MYT1L: variants seen among roughly 807,000 people sequenced by gnomAD.
MYT1L encodes myelin transcription factor 1 like, also known as myelin transcription factor 1-like protein.
Under a neutral mutation model 126.7 loss-of-function variants are expected in MYT1L, and 12 were observed. The ratio of observed to expected loss-of-function variants is 0.09; its 90% CI spans 0.06 to 0.15. The LOEUF is 0.15. Among genes scored for constraint, MYT1L ranks in the 10% least tolerant of loss-of-function variants. MYT1L has a pLI of 1.00. For synonymous variants in MYT1L, 541 were observed against 604.2 expected, an observed-to-expected ratio of 0.90 and a Z score of 1.53; for missense variants, 979 against 1,585.2, an observed-to-expected ratio of 0.62 and a Z score of 6.49.
intron 9 of MYT1L, among the ~76,000 whole-genome samples, chr2:1,937,884 T>C (rs1287021747): frequency 6.6e-6 from 1 of 152,188 alleles, no homozygotes; most frequent in Non-Finnish European, 1.5e-5. Flanking sequence ...CACCTTTGGG[T>C]CACTGATCTG....
intron 2 of MYT1L, among the ~76,000 whole-genome samples, chr2:2,270,772 A>T (rs999582933): frequency 6.6e-6 from 1 of 152,096 alleles, no homozygotes; most frequent in Non-Finnish European, 1.5e-5. Context: ...CTCCTGCCCC[A>T]GCTCAGTCAG....
chr2:2,207,713 T>G (rs1203469001), intron 2 of MYT1L, among the ~76,000 whole-genome samples: 3 of 152,216 alleles, frequency 2.0e-5, no homozygotes, highest in Admixed American at 2.0e-4. Flanking sequence ...TGATGCAGGC[T>G]GTGGGCTCTC....
Position 1,887,167 on chromosome 2 carries a change from TA to T in MYT1L, c.2642+320del, listed in dbSNP as rs11411775. ...AAACAGCCAAAATAGTAAGTATGTT[TA>T]AAAAAAAAAAAAACTTTTAAAAAAG... On this transcript the variant is annotated intron_variant, in intron 17 of 24. Transcript: ENST00000647738. The surrounding 1 kb of genome is among the most constrained non-coding windows in gnomAD (Gnocchi z 4.8). 0.02 allele frequency: 7,011 copies of T among 357,548 alleles called. 2 individuals are homozygous for T. The highest frequency in any genetic ancestry group is 0.038 in the South Asian group (335 of 8,910). The allele number at this position is 357,548 out of a possible 1,614,324, so 22.1% of individuals were successfully genotyped here.
chr2:1,986,286 C>T (rs2061012619), intron 5 of MYT1L, among the ~76,000 whole-genome samples: 1 of 152,210 alleles, frequency 6.6e-6, no homozygotes, highest in South Asian at 2.1e-4. Context: ...GCCTCTATTT[C>T]CACATGCATG....
In MYT1L at chr2:2,072,074, G is replaced by A. The variant is rs1016515784; in HGVS notation, c.-303-17951C>T. The stretch of plus-strand genomic sequence containing the variant: ...TGACATCATCCTCAAAAAAGACTCC[G>A]TGTCAAGCTTCCCTTGAAAGAGGAG... On this transcript the variant is annotated intron_variant, in intron 3 of 24. Coordinates refer to ENST00000647738, the MANE Select transcript of MYT1L (RefSeq NM_001303052.2). Among the ~76,000 whole-genome samples the A allele has an allele frequency of 7.2e-5, 11 of 152,248 alleles. No individual in the cohort carries two copies. The East Asian group carries it at 1.4e-3, about 19-fold the overall frequency.
intron 18 of MYT1L, among the ~76,000 whole-genome samples, chr2:1,866,551 GAGAGGGAGAGGGAA>G: frequency 7.1e-6 from 1 of 141,172 alleles, no homozygotes; most frequent in Non-Finnish European, 1.5e-5. Context: ...GAGGCAAGGA[GAGAGGGAGAGGGAA>G]GGGGAGAGAG....
At chr2:2,087,357 CTTTG>C (rs1007052878) in intron 3 of MYT1L, among the ~76,000 whole-genome samples, 3 of 152,016 alleles carry the variant, frequency 2.0e-5, no homozygotes, top group Non-Finnish European at 4.4e-5. Flanking sequence ...TTCCCTTTTT[CTTTG>C]TTTGGGAAAT....
At chr2:1,983,028 G>C (rs2060723985) in intron 5 of MYT1L, among the ~76,000 whole-genome samples, 3 of 152,078 alleles carry the variant, frequency 2.0e-5, no homozygotes. Flanking sequence ...TATGCATATA[G>C]GGGCAAACTT....
intron 3 of MYT1L, among the ~76,000 whole-genome samples, chr2:2,071,914 A>G (rs542890724): frequency 1.8e-4 from 28 of 152,292 alleles, no homozygotes; most frequent in Admixed American, 2.0e-4. Flanking sequence ...GCTGTGGGCG[A>G]GGAGGGAGAG....
intron 2 of MYT1L, among the ~76,000 whole-genome samples, chr2:2,230,649 A>G (rs1219222941): frequency 6.6e-6 from 1 of 152,132 alleles, no homozygotes; most frequent in Non-Finnish European, 1.5e-5. Flanking sequence ...ATCCACTTCT[A>G]GCAGCAGCAT....
chr2:2,054,279 T>G (rs1485888838), intron 3 of MYT1L, among the ~76,000 whole-genome samples, 156 bp from the exon 4 acceptor site: 1 of 151,748 alleles, frequency 6.6e-6, no homozygotes, highest in Non-Finnish European at 1.5e-5. Flanking sequence ...TGATGAGACA[T>G]ACAGAGATGA....
At chr2:2,135,975 A>G (rs1238434467) in intron 3 of MYT1L, among the ~76,000 whole-genome samples, 3 of 152,190 alleles carry the variant, frequency 2.0e-5, no homozygotes, top group African/African-American at 7.2e-5. Flanking sequence ...AAACCAACCC[A>G]AATGTTCATC....
At chr2:2,264,694 G>T (rs1384832627) in intron 2 of MYT1L, among the ~76,000 whole-genome samples, 1 of 152,138 alleles carries the variant, frequency 6.6e-6, no homozygotes, top group Non-Finnish European at 1.5e-5. Flanking sequence ...CACAGTGCAT[G>T]CTGTGAAACT....
intron 8 of MYT1L, among the ~76,000 whole-genome samples, chr2:1,962,664 G>A (rs2059051279): frequency 6.6e-6 from 1 of 152,186 alleles, no homozygotes; most frequent in African/African-American, 2.4e-5. Flanking sequence ...CTCAAATCCT[G>A]CCACTGCTTT....
chr2:1,893,024 G>A (rs563822218), intron 14 of MYT1L, among the ~76,000 whole-genome samples: 169 of 152,288 alleles, frequency 1.1e-3, no homozygotes, highest in African/African-American at 3.9e-3. Context: ...TGGCAGACAC[G>A]CGGGGCACGT....
rs886329640 is a variant in MYT1L, at chr2:1,887,300, G to A, written c.2642+188C>T. Among the ~76,000 whole-genome samples, 21 of 152,210 alleles carry A rather than the reference G, an allele frequency of 1.4e-4. No homozygotes were observed. The highest frequency in any genetic ancestry group is 7.3e-5 in the Non-Finnish European group (5 of 68,044). On this transcript the variant is annotated intron_variant, in intron 17 of 24. Transcript: ENST00000647738. The surrounding 1 kb of genome is among the most constrained non-coding windows in gnomAD (Gnocchi z 4.8). ...ATGAAAATGACGCCCCCATCCGACA[G>A]AGCGTCACTGGGAACAGGCAAGTGC... is the stretch of plus-strand genomic sequence containing the variant.
chr2:1,987,700 T>A (rs1474989801), intron 5 of MYT1L, among the ~76,000 whole-genome samples: 1 of 152,206 alleles, frequency 6.6e-6, no homozygotes, highest in African/African-American at 2.4e-5. Flanking sequence ...CCCATGAGGA[T>A]GACTGAGTCT....
intron 3 of MYT1L, among the ~76,000 whole-genome samples, chr2:2,127,933 A>G (rs1046852321): frequency 1.3e-5 from 2 of 152,220 alleles, no homozygotes; most frequent in Admixed American, 1.3e-4. Context: ...CACTGATCCT[A>G]TCTTAGTCTC....
chr2:2,076,757 T>A (rs1176035014), intron 3 of MYT1L, among the ~76,000 whole-genome samples: 1 of 152,116 alleles, frequency 6.6e-6, no homozygotes, highest in Non-Finnish European at 1.5e-5. Flanking sequence ...ACCTAAAGAT[T>A]TCCAGTTGTC....
Sources: gnomAD v4.1 joint callset for allele counts (sites outside exome capture counted in the v4.1 genomes callset) on GRCh38, gnomAD v4.1.1 for gene constraint, Gnocchi (gnomAD v3.1) non-coding constraint, MANE v1.5 for transcripts, NCBI Gene and HGNC (gene_info 2026-07-23, HGNC 2026-07-21) for gene names.